Variants in ABCG8 observed in about 807,000 individuals in gnomAD.
The protein encoded by ABCG8 is ATP-binding cassette sub-family G member 8.
Under a neutral mutation model 71.3 loss-of-function variants are expected in ABCG8, and 81 were observed. That is an observed-to-expected ratio of 1.14 (90% CI 0.95 to 1.37). The LOEUF is 1.37. ABCG8 is among the 40% of genes most tolerant of loss of function. The pLI is 0.00. For synonymous variants in ABCG8, 451 were observed against 354.7 expected, an observed-to-expected ratio of 1.27 and a Z score of -3.05; for missense variants, 1,119 against 866.2, an observed-to-expected ratio of 1.29 and a Z score of -3.66.
At chr2:43,842,980 C>G (rs992401499) in intron 1 of ABCG8, among the ~76,000 whole-genome samples, 3 of 152,210 alleles carry the variant, frequency 2.0e-5, no homozygotes, top group Non-Finnish European at 2.9e-5. Context: ...TGGCCCCCAT[C>G]ATTGCAGGGG....
At chr2:43,873,523 T>C (rs1342695234) in intron 8 of ABCG8, among the ~76,000 whole-genome samples, 1 of 152,102 alleles carries the variant, frequency 6.6e-6, no homozygotes, top group Non-Finnish European at 1.5e-5. Flanking sequence ...GTAATTGATT[T>C]TTTCCTCAGG....
chr2:43,877,379 C>A (rs1228226981), intron 11 of ABCG8, among the ~76,000 whole-genome samples, 182 bp from the exon 12 acceptor site: 2 of 138,768 alleles, frequency 1.4e-5, no homozygotes, highest in East Asian at 4.5e-4. Flanking sequence ...ATATGGGGAG[C>A]CCATGGGAAT....
chr2:43,849,199 T>A (rs1290909340), intron 3 of ABCG8, among the ~76,000 whole-genome samples: 1 of 152,078 alleles, frequency 6.6e-6, no homozygotes. Context: ...TCTTAGTTCA[T>A]GGAAGGTGTA....
rs984766888 is a variant in ABCG8 at position 43,882,036 on chromosome 2, T to G, written c.*4123T>G. Reference sequence around the variant, plus strand: ...ACCTGAGGGTGTAGTTTGCAGAGCCTTGGTAAAGGTTTTCAAATTTGCATT... The same window carrying G: ...ACCTGAGGGTGTAGTTTGCAGAGCCGTGGTAAAGGTTTTCAAATTTGCATT... On this transcript the variant is annotated 3_prime_UTR_variant, in exon 13 of 13. Transcript: ENST00000272286. 1.3e-5 allele frequency: 2 copies of G among 152,178 alleles called. No homozygotes were observed. Among genetic ancestry groups the G allele is most frequent in the Admixed American group, 6.5e-5 (1 of 15,280 alleles). 9.4% of individuals were successfully genotyped at this position (152,178 alleles called of 1,614,324 possible).
chr2:43,875,316 C>G lies in ABCG8; in HGVS notation c.1659C>G (p.Leu553=), dbSNP rs1252378233. 2 of 1,614,156 alleles carry G rather than the reference C, an allele frequency of 1.2e-6. No homozygotes were observed. Among genetic ancestry groups the G allele is most frequent in the Admixed American group, 1.7e-5 (1 of 60,030 alleles). The change falls in exon 11 of 13, where the codon CTC becomes CTG. Residue 553 remains leucine (L), a synonymous_variant. Transcript: ENST00000272286. The stretch of plus-strand genomic sequence containing the variant: ...TGGCCCTGGCCGCCGCGGCCCTGCT[C>G]CCCACCTTCCACATGGCCTCCTTCT... The part of the protein sequence containing the change: ...RIMALAAAAL[L]PTFHMASFFS...
chr2:43,839,142 C>T (rs917233797), intron 1 of ABCG8, 26 bp downstream of exon 1: 66 of 1,550,822 alleles, frequency 4.3e-5, no homozygotes, highest in Non-Finnish European at 5.6e-5. Flanking sequence ...GAAGTCGGCC[C>T]AGGCCTGGTG....
chr2:43,869,151 A>G (rs1479799588), intron 6 of ABCG8, among the ~76,000 whole-genome samples: 2 of 151,562 alleles, frequency 1.3e-5, no homozygotes, highest in Non-Finnish European at 2.9e-5. Flanking sequence ...ATCTCTCACT[A>G]TCTGTCTGGA....
At position 43,877,907 on chromosome 2, in the gene ABCG8, C is replaced by A; in HGVS notation, c.2016C>A (p.Asp672Glu). 6.2e-7 allele frequency: 1 copy of A among 1,614,136 alleles called. No homozygotes were observed. Among genetic ancestry groups the A allele is most frequent in the Non-Finnish European group, 8.5e-7 (1 of 1,180,016 alleles). The change falls in exon 13 of 13, where the codon GAC becomes GAA. Residue 672 changes from aspartate to glutamate, a missense_variant. Physicochemically the swap from Asp to Glu is conservative, Grantham distance 45 (BLOSUM62 2). Transcript: ENST00000272286. ...TCATCAAACAGAAACCAAGTCAAGACTGGTGATTCACGCCAGACGTCTGCC... is the reference window on the plus strand; with the variant it reads ...TCATCAAACAGAAACCAAGTCAAGAATGGTGATTCACGCCAGACGTCTGCC... The part of the protein sequence containing the change: ...LRFIKQKPSQ[D>E]W
intron 6 of ABCG8, among the ~76,000 whole-genome samples, chr2:43,859,875 C>G (rs923485616): frequency 4.0e-5 from 6 of 151,484 alleles, no homozygotes; most frequent in African/African-American, 1.5e-4. Context: ...CTGGATAGAA[C>G]TCTCACTATC....
In ABCG8 at chr2:43,873,851, C is replaced by T. The variant is rs763933834; in HGVS notation, c.1276C>T (p.Leu426=). Residue 426 remains leucine, a synonymous_variant, in exon 9 of 13, where the codon CTG becomes TTG. Coordinates refer to ENST00000272286, the MANE Select transcript of ABCG8 (RefSeq NM_022437.3). ...CCTCATCCATGGGGCGGAGGCCTGT[C>T]TGATGTCAATGACCATCGGCTTCCT... The part of the protein sequence containing the change: ...TLLIHGAEAC[L]MSMTIGFLYF... 1.2e-6 allele frequency: 2 copies of T among 1,614,134 alleles called. No individual in the cohort carries two copies. Among genetic ancestry groups the T allele is most frequent in the Admixed American group, 1.7e-5 (1 of 60,020 alleles).
intron 4 of ABCG8, 141 bp from the exon 5 acceptor site, chr2:43,852,213 C>A: frequency 8.4e-7 from 1 of 1,191,342 alleles, no homozygotes; most frequent in Non-Finnish European, 1.2e-6. Context: ...AATGTTGCAG[C>A]TTGGAACTCA....
chr2:43,875,084 C>G, intron 10 of ABCG8, 62 bp from the exon 11 acceptor site: 33 of 1,610,754 alleles, frequency 2.0e-5, no homozygotes, highest in Non-Finnish European at 2.8e-5. Context: ...TACTTTTAAA[C>G]GTTTATAATA....
intron 1 of ABCG8, among the ~76,000 whole-genome samples, chr2:43,842,246 C>G (rs1668603729): frequency 6.6e-6 from 1 of 152,178 alleles, no homozygotes; most frequent in African/African-American, 2.4e-5. Context: ...CTCCTGGCCT[C>G]AGGTGATCTG....
At position 43,877,582 on chromosome 2, in the gene ABCG8, T is replaced by G; in HGVS notation, c.1778T>G (p.Val593Gly). ...LWTVPAWISK[V>G]SFLRWCFEGL... ...CCAGTGCCCGCGTGGATTTCCAAAG[T>G]GTCCTTCCTGCGGTGGTGTTTTGAA... is the stretch of plus-strand genomic sequence containing the variant. The change falls in exon 12 of 13, where the codon GTG becomes GGG. Residue 593 changes from valine to glycine, a missense_variant. Physicochemically the swap from Val to Gly is moderately radical, Grantham distance 109. Transcript: ENST00000272286. The G allele has an allele frequency of 6.2e-7, 1 of 1,614,092 alleles. No homozygotes were observed. The highest frequency in any genetic ancestry group is 8.5e-7 in the Non-Finnish European group (1 of 1,180,014).
chr2:43,853,184 C>T (rs1668986947), intron 6 of ABCG8, among the ~76,000 whole-genome samples: 2 of 152,188 alleles, frequency 1.3e-5, no homozygotes, highest in African/African-American at 2.4e-5. Context: ...TATTCAGACT[C>T]AGTAGGGAAA....
chr2:43,865,602 G>T (rs1669501938), intron 6 of ABCG8, among the ~76,000 whole-genome samples: 1 of 146,604 alleles, frequency 6.8e-6, no homozygotes, highest in African/African-American at 2.5e-5. Context: ...TCACCCTCTA[G>T]ATAGAACTCT....
Position 43,846,990 on chromosome 2 carries a change from GCACACACA to G in ABCG8, c.322+707_322+714del, listed in dbSNP as rs368330289. 1.5e-3 allele frequency: 169 copies of G among 110,922 alleles called. 1 individual carries two copies. Among genetic ancestry groups the G allele is most frequent in the East Asian group, 0.012 (59 of 4,756 alleles). The allele number at this position is 110,922 out of a possible 1,614,324, so 6.9% of individuals were successfully genotyped here. ...AGAGTATCCTCCTGCACGCGCGCGT[GCACACACA>G]CACACACACACACACACACACACAC... On this transcript the variant is annotated intron_variant, in intron 3 of 12. Coordinates refer to ENST00000272286, the MANE Select transcript of ABCG8 (RefSeq NM_022437.3).
chr2:43,867,934 T>C (rs955878037), intron 6 of ABCG8, among the ~76,000 whole-genome samples: 1 of 151,598 alleles, frequency 6.6e-6, no homozygotes, highest in Non-Finnish European at 1.5e-5. Flanking sequence ...ACTCTCACTA[T>C]CCGTTTGGAT....
intron 10 of ABCG8, among the ~76,000 whole-genome samples, chr2:43,874,873 G>C (rs1669906502): frequency 6.6e-6 from 1 of 152,178 alleles, no homozygotes; most frequent in South Asian, 2.1e-4. Context: ...TGGTCAGGGG[G>C]AGTAGGGACT....
Sources: allele counts gnomAD v4.1 joint callset (sites outside exome capture counted in the v4.1 genomes callset), GRCh38; gene constraint gnomAD v4.1.1; transcripts MANE v1.5; gene names NCBI Gene and HGNC (gene_info 2026-07-23, HGNC 2026-07-21).